SLC9A2: variants seen among roughly 807,000 people sequenced by gnomAD.
SLC9A2 encodes the protein sodium/hydrogen exchanger 2.
Under a neutral mutation model 71.7 loss-of-function variants are expected in SLC9A2, and 42 were observed. The ratio of observed to expected loss-of-function variants is 0.59; its 90% CI spans 0.46 to 0.76. The LOEUF (loss-of-function observed/expected upper bound fraction) is 0.76, where lower values mean the gene tolerates loss of function less well. Ranked by LOEUF, SLC9A2 falls within the 30% of genes least tolerant of loss-of-function variation. The pLI, the probability that SLC9A2 is intolerant of heterozygous loss-of-function variation, is 0.00. For missense variants in SLC9A2, 829 were observed against 1,017.4 expected, an observed-to-expected ratio of 0.81 and a Z score of 2.52; for synonymous variants, 396 against 392.5, an observed-to-expected ratio of 1.01 and a Z score of -0.10.
chr2:102,651,206 G>A (rs1676826814), intron 1 of SLC9A2, among the ~76,000 whole-genome samples: 1 of 152,106 alleles, frequency 6.6e-6, no homozygotes, highest in Non-Finnish European at 1.5e-5. Context: ...TGCTGAAAAA[G>A]ACTCCTCACT....
intron 4 of SLC9A2, among the ~76,000 whole-genome samples, 157 bp from the exon 5 acceptor site, chr2:102,683,977 C>T (rs1376669364): frequency 6.6e-6 from 1 of 152,206 alleles, no homozygotes; most frequent in Admixed American, 6.5e-5. Flanking sequence ...AGGCCCAGAA[C>T]CTGGTATTAC....
intron 2 of SLC9A2, among the ~76,000 whole-genome samples, chr2:102,658,688 T>C (rs953456612): frequency 6.6e-6 from 1 of 151,998 alleles, no homozygotes; most frequent in African/African-American, 2.4e-5. Context: ...TTAGATTACA[T>C]ATAATTAGAG....
At chr2:102,640,832 C>T (rs1221169055) in intron 1 of SLC9A2, among the ~76,000 whole-genome samples, 1 of 152,204 alleles carries the variant, frequency 6.6e-6, no homozygotes, top group Non-Finnish European at 1.5e-5. Flanking sequence ...CAGCACCCAT[C>T]TTGAAGCTAT....
At chr2:102,674,142 C>G (rs1370134497) in intron 3 of SLC9A2, among the ~76,000 whole-genome samples, 1 of 152,148 alleles carries the variant, frequency 6.6e-6, no homozygotes, top group South Asian at 2.1e-4. Context: ...GAAATGTACA[C>G]TTACCACCCA....
rs1249240835 is a variant in SLC9A2 at position 102,657,937 on chromosome 2, T to C, written c.663T>C (p.Ala221=). 6 of 1,614,238 alleles carry C rather than the reference T, an allele frequency of 3.7e-6. No individual in the cohort carries two copies. The highest frequency in any genetic ancestry group is 5.1e-6 in the Non-Finnish European group (6 of 1,180,042). The part of the protein sequence containing the change: ...GSLISAVDPV[A]VLAVFENIHV... ...TAATCTCAGCTGTCGATCCTGTGGC[T>C]GTGCTTGCTGTCTTTGAGAACATTC... The change falls in exon 2 of 12, where the codon GCT becomes GCC. Residue 221 remains alanine (A), a synonymous_variant. Coordinates refer to ENST00000233969, the MANE Select transcript of SLC9A2 (RefSeq NM_003048.6).
intron 3 of SLC9A2, among the ~76,000 whole-genome samples, chr2:102,667,604 C>T (rs986747288): frequency 1.3e-5 from 2 of 152,130 alleles, no homozygotes; most frequent in Admixed American, 6.5e-5. Context: ...GATGGGATCA[C>T]AGGTTTACTT....
chr2:102,693,870 C>T (rs1286083320), intron 5 of SLC9A2, among the ~76,000 whole-genome samples: 1 of 152,102 alleles, frequency 6.6e-6, no homozygotes, highest in Non-Finnish European at 1.5e-5. Flanking sequence ...CAGTGAAAAT[C>T]GTTTTAATAA....
chr2:102,639,261 T>C (rs768405272), intron 1 of SLC9A2, among the ~76,000 whole-genome samples: 40 of 152,264 alleles, frequency 2.6e-4, no homozygotes, highest in Non-Finnish European at 1.3e-4. Context: ...GTTAATAGGC[T>C]ATCATTCACT....
At chr2:102,629,711 A>T (rs1414420193) in intron 1 of SLC9A2, among the ~76,000 whole-genome samples, 2 of 151,932 alleles carry the variant, frequency 1.3e-5, no homozygotes, top group African/African-American at 4.8e-5. Flanking sequence ...TTCTTTTGCT[A>T]TTCTTTTTAA....
chr2:102,641,975 C>T (rs1214630108), intron 1 of SLC9A2, among the ~76,000 whole-genome samples: 1 of 151,764 alleles, frequency 6.6e-6, no homozygotes, highest in Non-Finnish European at 1.5e-5. Flanking sequence ...TGCAGCAAAC[C>T]AACATGGCAC....
At chr2:102,658,333 A>T (rs1470018061) in intron 2 of SLC9A2, among the ~76,000 whole-genome samples, 2 of 152,118 alleles carry the variant, frequency 1.3e-5, no homozygotes, top group African/African-American at 2.4e-5. Context: ...TGCCAGAGGA[A>T]CATATGATTT....
chr2:102,701,811 A>T (rs1677879548), intron 8 of SLC9A2, among the ~76,000 whole-genome samples: 1 of 152,252 alleles, frequency 6.6e-6, no homozygotes, highest in Admixed American at 6.5e-5. Context: ...CTTGTTCAAC[A>T]TCTTCAGGGA....
At chr2:102,642,364 G>T (rs1383886766) in intron 1 of SLC9A2, among the ~76,000 whole-genome samples, 1 of 152,068 alleles carries the variant, frequency 6.6e-6, no homozygotes, top group African/African-American at 2.4e-5. Flanking sequence ...AATTTGCTGA[G>T]AATTTTAATC....
intron 1 of SLC9A2, among the ~76,000 whole-genome samples, chr2:102,654,081 TC>T (rs1429748089): frequency 1.3e-5 from 2 of 152,042 alleles, no homozygotes; most frequent in Non-Finnish European, 2.9e-5. Flanking sequence ...GGGGCAGTCC[TC>T]CGATGGCATG....
intron 5 of SLC9A2, among the ~76,000 whole-genome samples, chr2:102,692,446 T>C (rs927208446): frequency 6.6e-6 from 1 of 152,168 alleles, no homozygotes; most frequent in African/African-American, 2.4e-5. Context: ...AATATCCCCC[T>C]ATATAGCTAC....
chr2:102,699,236 C>G (rs1285549926), intron 7 of SLC9A2, among the ~76,000 whole-genome samples: 1 of 152,086 alleles, frequency 6.6e-6, no homozygotes, highest in Admixed American at 6.6e-5. Flanking sequence ...CTGAAGGTAT[C>G]TGGGGGAAAA....
intron 3 of SLC9A2, among the ~76,000 whole-genome samples, chr2:102,679,390 T>A (rs1487174912): frequency 6.6e-6 from 1 of 151,670 alleles, no homozygotes; most frequent in African/African-American, 2.4e-5. Context: ...ATATAATTTT[T>A]TTTTTTTTTG....
intron 5 of SLC9A2, among the ~76,000 whole-genome samples, chr2:102,690,201 C>G (rs1021393801): frequency 1.3e-5 from 2 of 152,132 alleles, no homozygotes; most frequent in African/African-American, 4.8e-5. Flanking sequence ...GGCGAAACAT[C>G]AGAAGGGGTT....
At chr2:102,692,156 T>A (rs755540012) in intron 5 of SLC9A2, among the ~76,000 whole-genome samples, 11 of 152,250 alleles carry the variant, frequency 7.2e-5, no homozygotes, top group Non-Finnish European at 1.6e-4. Context: ...GGAAAACTGC[T>A]ATTACCTTTT....
Sources: allele counts gnomAD v4.1 joint callset (sites outside exome capture counted in the v4.1 genomes callset), GRCh38; gene constraint gnomAD v4.1.1; transcripts MANE v1.5; gene names NCBI Gene and HGNC (gene_info 2026-07-23, HGNC 2026-07-21).